S100Z: variants seen among roughly 807,000 people sequenced by gnomAD.
S100Z encodes the protein protein S100-Z.
In S100Z, 11 loss-of-function variants were observed where a neutral mutation model predicts 8.5. That is an observed-to-expected ratio of 1.30 (90% CI 0.82 to 2.15). The LOEUF (loss-of-function observed/expected upper bound fraction) is 2.15. Ranked by LOEUF, S100Z falls within the 30% of genes most tolerant of loss-of-function variation. The pLI is 0.00. For synonymous variants in S100Z, 34 were observed against 43.8 expected, an observed-to-expected ratio of 0.78 and a Z score of 0.89; for missense variants, 126 against 117.9, an observed-to-expected ratio of 1.07 and a Z score of -0.32.
At chr5:76,898,383 T>C (rs1744111462) in intron 4 of S100Z, among the ~76,000 whole-genome samples, 1 of 152,030 alleles carries the variant, frequency 6.6e-6, no homozygotes, top group Non-Finnish European at 1.5e-5. Flanking sequence ...TCCTGATTCC[T>C]GAGGTGGGTG....
rs545323840 is a variant in S100Z at position 76,862,294 on chromosome 5, C to A, written c.-175-7872C>A. Among the ~76,000 whole-genome samples, 3 of 152,204 alleles carry A rather than the reference C, an allele frequency of 2.0e-5. No individual in the cohort carries two copies. In the South Asian group the frequency reaches 6.2e-4, roughly 32 times the overall value. Reference sequence around the variant, plus strand: ...CATAAGCAAGGAATAGCAGGGGCAGCCAGATCGCATAAGCAAGGGAACAGA... The same window carrying A: ...CATAAGCAAGGAATAGCAGGGGCAGACAGATCGCATAAGCAAGGGAACAGA... On this transcript the variant is annotated intron_variant, in intron 1 of 4. Coordinates refer to ENST00000317593, the MANE Select transcript of S100Z (RefSeq NM_130772.4).
downstream of S100Z, among the ~76,000 whole-genome samples, chr5:76,926,610 G>A (rs1745140622): frequency 6.6e-6 from 1 of 152,140 alleles, no homozygotes; most frequent in African/African-American, 2.4e-5. Flanking sequence ...GAAGCATAAA[G>A]CTTAAGGCCC....
At chr5:76,918,638 C>A (rs1210298411) in intron 4 of S100Z, among the ~76,000 whole-genome samples, 2 of 152,230 alleles carry the variant, frequency 1.3e-5, no homozygotes, top group African/African-American at 4.8e-5. Flanking sequence ...TCCCCATTAT[C>A]AACATCTCCC....
intron 4 of S100Z, among the ~76,000 whole-genome samples, chr5:76,914,138 C>T (rs1288737561): frequency 6.6e-6 from 1 of 152,106 alleles, no homozygotes; most frequent in East Asian, 1.9e-4. Context: ...TAAAGAGTTC[C>T]CCTCTGGAGG....
intron 4 of S100Z, among the ~76,000 whole-genome samples, chr5:76,906,443 C>T (rs886214584): frequency 1.3e-5 from 2 of 152,150 alleles, no homozygotes; most frequent in African/African-American, 4.8e-5. Flanking sequence ...CTGGCCTCCT[C>T]ACCTGCCAGC....
chr5:76,889,198 G>T (rs976016409), intron 4 of S100Z, among the ~76,000 whole-genome samples: 1 of 152,108 alleles, frequency 6.6e-6, no homozygotes, highest in African/African-American at 2.4e-5. Context: ...CTGTACAGGC[G>T]AGCTTCCTTC....
At chr5:76,883,447 A>C (rs1743486054) in intron 4 of S100Z, among the ~76,000 whole-genome samples, 2 of 152,176 alleles carry the variant, frequency 1.3e-5, no homozygotes, top group Non-Finnish European at 2.9e-5. Flanking sequence ...GGGGAGTTTT[A>C]AGAGGTTTAG....
At chr5:76,936,105 G>A in the S100Z span, among the ~76,000 whole-genome samples, 1 of 151,980 alleles carries the variant, frequency 6.6e-6, no homozygotes, top group Admixed American at 6.6e-5. Flanking sequence ...TTGTATATCA[G>A]TTTGATTACA....
intron 3 of S100Z, among the ~76,000 whole-genome samples, chr5:76,876,952 C>G (rs930949399): frequency 2.6e-5 from 4 of 152,138 alleles, no homozygotes; most frequent in Admixed American, 2.6e-4. Flanking sequence ...TCCCTCTTCT[C>G]TTTGCTTTCC....
chr5:76,906,998 ATATATATATATATATATAT>A (rs1561247553), intron 4 of S100Z, among the ~76,000 whole-genome samples: 1 of 16,240 alleles, frequency 6.2e-5, no homozygotes, highest in African/African-American at 2.1e-4. Flanking sequence ...ATATATATAT[ATATATATATATATATATAT>A]ATATATACAT....
intron 4 of S100Z, among the ~76,000 whole-genome samples, chr5:76,899,110 A>AT (rs1348143100): frequency 2.0e-5 from 3 of 151,582 alleles, no homozygotes; most frequent in Non-Finnish European, 4.4e-5. Flanking sequence ...CACCTGGTTA[A>AT]TTTTTGTATT....
chr5:76,943,601 T>A, the S100Z span, among the ~76,000 whole-genome samples: 2 of 152,186 alleles, frequency 1.3e-5, no homozygotes, highest in African/African-American at 4.8e-5. Flanking sequence ...ACAGCTCCTC[T>A]CTGCTCTTGG....
At chr5:76,923,761 A>G (rs1039793207), downstream of S100Z, among the ~76,000 whole-genome samples, 1 of 152,230 alleles carries the variant, frequency 6.6e-6, no homozygotes, top group Non-Finnish European at 1.5e-5. Flanking sequence ...CAGCATTAGC[A>G]TAGCCTGCAC....
At chr5:76,950,489 A>G in the S100Z span, among the ~76,000 whole-genome samples, 1 of 152,208 alleles carries the variant, frequency 6.6e-6, no homozygotes, top group Non-Finnish European at 1.5e-5. Context: ...ATAGGTGACA[A>G]TTTGCTCTGG....
At chr5:76,924,792 C>T (rs1025588913), downstream of S100Z, among the ~76,000 whole-genome samples, 2 of 152,056 alleles carry the variant, frequency 1.3e-5, no homozygotes, top group Non-Finnish European at 2.9e-5. Context: ...CACCTGTAAT[C>T]CCAGCTACCA....
intron 4 of S100Z, among the ~76,000 whole-genome samples, chr5:76,879,250 G>A (rs1191504771): frequency 2.0e-5 from 3 of 152,094 alleles, no homozygotes; most frequent in African/African-American, 7.2e-5. Context: ...CAACTATGAG[G>A]ACCGTGGAGA....
At chr5:76,947,677 A>G in the S100Z span, among the ~76,000 whole-genome samples, 646 of 152,334 alleles carry the variant, frequency 4.2e-3, 3 homozygotes, top group Non-Finnish European at 6.8e-3. Context: ...ATATAGACCA[A>G]TTGAGCAGAA....
chr5:76,933,793 A>G, the S100Z span, among the ~76,000 whole-genome samples: 1 of 152,212 alleles, frequency 6.6e-6, no homozygotes. Context: ...TATTAAGTAT[A>G]TTCACAATGC....
intron 4 of S100Z, among the ~76,000 whole-genome samples, chr5:76,905,204 C>A (rs2150674091): frequency 6.6e-6 from 1 of 152,002 alleles, no homozygotes; most frequent in East Asian, 1.9e-4. Flanking sequence ...AGATTTTGTT[C>A]TATTATTATT....
Sources: allele counts gnomAD v4.1 joint callset (sites outside exome capture counted in the v4.1 genomes callset), GRCh38; gene constraint gnomAD v4.1.1; transcripts MANE v1.5; gene names NCBI Gene and HGNC (gene_info 2026-07-23, HGNC 2026-07-21).